PPP2R1B: variants seen among roughly 807,000 people sequenced by gnomAD.
PPP2R1B encodes protein phosphatase 2 scaffold subunit Abeta.
Under a neutral mutation model 72.7 loss-of-function variants are expected in PPP2R1B, and 58 were observed. The ratio of observed to expected loss-of-function variants is 0.80; its 90% CI spans 0.65 to 0.99. The LOEUF (loss-of-function observed/expected upper bound fraction) is 0.99. PPP2R1B is among the 50% of genes least tolerant of loss of function. PPP2R1B has a pLI of 0.00. For synonymous variants in PPP2R1B, 256 were observed against 264.6 expected (o/e 0.97, Z 0.32); for missense variants, 695 against 733.6 (o/e 0.95, Z 0.61).
At chr11:111,755,785 T>A (rs1156555340) in intron 5 of PPP2R1B, among the ~76,000 whole-genome samples, 1 of 151,992 alleles carries the variant, frequency 6.6e-6, no homozygotes, top group Non-Finnish European at 1.5e-5. Flanking sequence ...AGACAGAGTT[T>A]CACCACGTTG....
Position 111,755,301 on chromosome 11 carries a change from A to C in PPP2R1B, c.837T>G (p.Phe279Leu). 6.2e-7 allele frequency: 1 copy of C among 1,604,572 alleles called. No homozygotes were observed. The highest frequency in any genetic ancestry group is 8.5e-7 in the Non-Finnish European group (1 of 1,177,450). The change falls in exon 6 of 15, where the codon TTT (phenylalanine) becomes TTG (leucine). Residue 279 changes from phenylalanine (F) to leucine (L), a missense_variant. Transcript: ENST00000527614. ...TTAAAAATGATCACTTTACCTCTGA[A>C]AATCTGTCAGCCACCATATAGCGAA... ...WRVRYMVADRFSELQKAMGPK... is the reference protein window; with the variant it reads ...WRVRYMVADRLSELQKAMGPK...
chr11:111,727,189 AG>A (rs1490781933), intron 15 of PPP2R1B: 6 of 735,302 alleles, frequency 8.2e-6, no homozygotes, highest in Non-Finnish European at 1.4e-5. Flanking sequence ...TGGGAAAAGG[AG>A]GCTGATGGTT....
At chr11:111,754,930 A>G in intron 7 of PPP2R1B, 50 bp downstream of exon 7, 5 of 1,481,926 alleles carry the variant, frequency 3.4e-6, no homozygotes, top group Non-Finnish European at 4.6e-6. Context: ...TAACAAAAAA[A>G]TGCACCAAAA....
At chr11:111,722,575 A>G (rs2135976683), downstream of PPP2R1B, 2 of 1,201,794 alleles carry the variant, frequency 1.7e-6, no homozygotes, top group Non-Finnish European at 2.4e-6. The surrounding 1 kb of genome is among the most constrained non-coding windows in gnomAD (Gnocchi z 4.4). Flanking sequence ...GAATGCAGTT[A>G]GATTCATCCT....
chr11:111,737,533 A>T, downstream of PPP2R1B: 1 of 1,614,208 alleles, frequency 6.2e-7, no homozygotes, highest in Non-Finnish European at 8.5e-7. Context: ...ACTGTCCTTC[A>T]CAGGAAATTC....
Position 111,739,376 on chromosome 11 carries a change from G to A in PPP2R1B, c.*2220C>T. ...AAAAAAAATAGGAGAACTAATTCAT[G>A]GAGAACATGGCCAAGTTATGAGCCA... On this transcript the variant is annotated 3_prime_UTR_variant, in exon 15 of 15. Transcript: ENST00000527614. 1 of 985,060 alleles carries A rather than the reference G, an allele frequency of 1.0e-6. No individual in the cohort carries two copies. Among genetic ancestry groups the A allele is most frequent in the Non-Finnish European group, 1.2e-6 (1 of 829,722 alleles). 61.0% of individuals were successfully genotyped at this position (985,060 alleles called of 1,614,324 possible). A position where few individuals can be genotyped will look rare whatever the true frequency, so the allele number is the denominator to read the frequency against.
At chr11:111,759,418 G>A (rs954229821) in intron 5 of PPP2R1B, among the ~76,000 whole-genome samples, 1 of 152,224 alleles carries the variant, frequency 6.6e-6, no homozygotes. Context: ...GAGTCAAATA[G>A]CTTTCCTAAC....
At chr11:111,728,676 C>T (rs1420925130) in intron 15 of PPP2R1B, 1 of 151,974 alleles carries the variant, frequency 6.6e-6, no homozygotes, top group African/African-American at 2.4e-5. Flanking sequence ...CGCCTGTAAT[C>T]CCAACACTTT....
chr11:111,734,540 A>T (rs1250255093), downstream of PPP2R1B, among the ~76,000 whole-genome samples: 1 of 152,230 alleles, frequency 6.6e-6, no homozygotes, highest in African/African-American at 2.4e-5. Flanking sequence ...CACTGACAGG[A>T]GGTCAGCCTA....
At chr11:111,719,261 A>G in the PPP2R1B span, among the ~76,000 whole-genome samples, 4 of 152,134 alleles carry the variant, frequency 2.6e-5, no homozygotes, top group African/African-American at 9.7e-5. Flanking sequence ...GACTAAATCA[A>G]ATGGGCAGGT....
In PPP2R1B at chr11:111,743,475, A is replaced by T. The variant is rs776614211; in HGVS notation, c.1455T>A (p.Phe485Leu). The T allele has an allele frequency of 6.2e-7, 1 of 1,614,040 alleles. No individual in the cohort carries two copies. Residue 485 changes from phenylalanine to leucine, a missense_variant, in exon 12 of 15, where the codon TTT becomes TTA. Coordinates refer to ENST00000527614, the MANE Select transcript of PPP2R1B (RefSeq NM_002716.5). ...TNNLMKLVQK[F>L]GTEWAQNTIV... is the part of the protein sequence containing the mutation. The stretch of plus-strand genomic sequence containing the variant: ...TAGTATTTTGGGCCCACTCTGTACC[A>T]AACTTCTGAACTAGTTTCATGAGGT...
intron 10 of PPP2R1B, among the ~76,000 whole-genome samples, chr11:111,751,207 C>T (rs921857282): frequency 6.6e-6 from 1 of 152,074 alleles, no homozygotes; most frequent in African/African-American, 2.4e-5. Flanking sequence ...CAAGTGGTAC[C>T]TAGGGACATT....
chr11:111,757,799 T>C (rs190925091), intron 5 of PPP2R1B, among the ~76,000 whole-genome samples: 34 of 148,720 alleles, frequency 2.3e-4, no homozygotes, highest in African/African-American at 8.1e-4. Flanking sequence ...CATGCCATTG[T>C]ACTCCAGCCT....
rs1050973034 is a variant in PPP2R1B at position 111,740,278 on chromosome 11, C to T, written c.*1318G>A. 1.2e-5 allele frequency: 11 copies of T among 949,328 alleles called. No individual in the cohort carries two copies. Among genetic ancestry groups the T allele is most frequent in the African/African-American group, 1.8e-5 (1 of 56,348 alleles). 58.8% of individuals were successfully genotyped at this position (949,328 alleles called of 1,614,324 possible). ...TATGGCCCAGGCTAGAGTGCAGTGG[C>T]GCGATCTCGGCTCAGTGCAACCTCT... is the stretch of plus-strand genomic sequence containing the variant. On this transcript the variant is annotated 3_prime_UTR_variant, in exon 15 of 15. Coordinates refer to ENST00000527614, the MANE Select transcript of PPP2R1B (RefSeq NM_002716.5).
intron 11 of PPP2R1B, among the ~76,000 whole-genome samples, chr11:111,745,592 C>T (rs1380595478): frequency 6.6e-6 from 1 of 152,178 alleles, no homozygotes; most frequent in African/African-American, 2.4e-5. Context: ...CTATTTCTGT[C>T]TCTTTCTCTC....
intron 15 of PPP2R1B, among the ~76,000 whole-genome samples, chr11:111,732,278 TAC>T (rs1401958048): frequency 2.0e-5 from 3 of 152,224 alleles, no homozygotes; most frequent in African/African-American, 7.2e-5. Flanking sequence ...AAAGAGCATG[TAC>T]ACAGACCCAG....
intron 4 of PPP2R1B, among the ~76,000 whole-genome samples, chr11:111,760,165 C>T (rs1440308091): frequency 1.3e-5 from 2 of 152,176 alleles, no homozygotes; most frequent in African/African-American, 4.8e-5. Flanking sequence ...AATCAAAGCA[C>T]TTTGGGAGGC....
rs781935326 is a variant in PPP2R1B, at chr11:111,755,086, T to C, written c.852A>G (p.Lys284=). 1.2e-6 allele frequency: 2 copies of C among 1,608,028 alleles called. No individual in the cohort carries two copies. Among genetic ancestry groups the C allele is most frequent in the South Asian group, 2.2e-5 (2 of 90,816 alleles). Reference sequence around the variant, plus strand: ...TTAGGGTGATTTTAGGACCCATGGCTTTCTGGAGCTATAAAAGAATTTGAA... The same window carrying C: ...TTAGGGTGATTTTAGGACCCATGGCCTTCTGGAGCTATAAAAGAATTTGAA... The part of the protein sequence containing the change: ...MVADRFSELQ[K]AMGPKITLND... The change falls in exon 7 of 15, where the codon AAA becomes AAG. Residue 284 remains lysine, a synonymous_variant. Transcript: ENST00000527614.
chr11:111,689,845 C>T, the PPP2R1B span, among the ~76,000 whole-genome samples: 1 of 151,930 alleles, frequency 6.6e-6, no homozygotes, highest in Non-Finnish European at 1.5e-5. Context: ...TTTTAAATGT[C>T]AATATTACAT....
Sources: allele counts gnomAD v4.1 joint callset (sites outside exome capture counted in the v4.1 genomes callset), GRCh38; gene constraint gnomAD v4.1.1; non-coding constraint Gnocchi (gnomAD v3.1); transcripts MANE v1.5; gene names NCBI Gene and HGNC (gene_info 2026-07-23, HGNC 2026-07-21).